SDK1: variants seen among roughly 807,000 people sequenced by gnomAD.
SDK1 encodes the protein sidekick cell adhesion molecule 1, also known as protein sidekick-1.
In SDK1, 157 loss-of-function variants were observed where a neutral mutation model predicts 245.5. The ratio of observed to expected loss-of-function variants is 0.64; its 90% confidence interval spans 0.56 to 0.73. SDK1 has a LOEUF of 0.73. Ranked by LOEUF, SDK1 falls within the 30% of genes least tolerant of loss-of-function variation. The pLI is 0.00. For synonymous variants in SDK1, 1,647 were observed against 1,278.5 expected, an observed-to-expected ratio of 1.29 and a Z score of -6.15; for missense variants, 3,583 against 3,002.3, an observed-to-expected ratio of 1.19 and a Z score of -4.52.
chr7:3,988,190 C>G (rs984448407), intron 14 of SDK1, among the ~76,000 whole-genome samples: 14 of 146,768 alleles, frequency 9.5e-5, no homozygotes, highest in African/African-American at 3.0e-4. Context: ...AATCTCTGCT[C>G]CCAGCACCCC....
chr7:3,987,981 A>C (rs980358970), intron 14 of SDK1, among the ~76,000 whole-genome samples: 10 of 152,006 alleles, frequency 6.6e-5, no homozygotes, highest in African/African-American at 2.4e-4. Context: ...CTGTGATTTT[A>C]AGTGGCATAT....
chr7:3,344,047 A>G (rs563614404), intron 1 of SDK1, among the ~76,000 whole-genome samples: 3 of 151,480 alleles, frequency 2.0e-5, no homozygotes, highest in South Asian at 4.2e-4. Flanking sequence ...CTAGAAATGC[A>G]TGTATATTTT....
chr7:3,955,066 C>G (rs1781149960), intron 7 of SDK1, among the ~76,000 whole-genome samples: 1 of 152,188 alleles, frequency 6.6e-6, no homozygotes, highest in South Asian at 2.1e-4. Flanking sequence ...TCTCCACGGT[C>G]TCCTCATCAC....
At chr7:4,167,680 C>A (rs888725046) in intron 32 of SDK1, among the ~76,000 whole-genome samples, 1 of 152,254 alleles carries the variant, frequency 6.6e-6, no homozygotes, top group Non-Finnish European at 1.5e-5. Context: ...GTGCTCTGGG[C>A]ATTTAAACAT....
intron 44 of SDK1, among the ~76,000 whole-genome samples, chr7:4,247,644 C>T (rs999524645): frequency 2.6e-5 from 4 of 152,194 alleles, no homozygotes; most frequent in African/African-American, 7.2e-5. Flanking sequence ...ATCCAGGCAC[C>T]GTGGGGGTGT....
intron 1 of SDK1, among the ~76,000 whole-genome samples, chr7:3,502,167 C>T (rs1782236680): frequency 6.6e-6 from 1 of 151,696 alleles, no homozygotes; most frequent in African/African-American, 2.4e-5. Context: ...ATTGGGGCTT[C>T]TTCAAAGAAT....
At chr7:3,707,345 T>C (rs1292084551) in intron 4 of SDK1, among the ~76,000 whole-genome samples, 1 of 152,242 alleles carries the variant, frequency 6.6e-6, no homozygotes, top group Non-Finnish European at 1.5e-5. Flanking sequence ...TTAATTTACA[T>C]GTGTTTGTAG....
At chr7:3,403,847 ATATATATATATATATATATAT>A (rs1562466087) in intron 1 of SDK1, among the ~76,000 whole-genome samples, 2 of 99,924 alleles carry the variant, frequency 2.0e-5, no homozygotes, top group African/African-American at 1.0e-4. Flanking sequence ...ATATATATAT[ATATATATATATATATATATAT>A]AATATATATA....
intron 1 of SDK1, among the ~76,000 whole-genome samples, chr7:3,459,845 A>G (rs1220573200): frequency 1.3e-5 from 2 of 152,186 alleles, no homozygotes; most frequent in Non-Finnish European, 2.9e-5. Flanking sequence ...GATTCCTTGA[A>G]TAGAAAAGGA....
At chr7:3,586,363 A>T (rs1307027043) in intron 1 of SDK1, among the ~76,000 whole-genome samples, 1 of 152,026 alleles carries the variant, frequency 6.6e-6, no homozygotes, top group Non-Finnish European at 1.5e-5. Flanking sequence ...AGGAATTCAC[A>T]GCAAATTGAG....
intron 1 of SDK1, among the ~76,000 whole-genome samples, chr7:3,328,885 G>T (rs1030946603): frequency 5.3e-5 from 8 of 152,154 alleles, no homozygotes; most frequent in African/African-American, 1.9e-4. Context: ...TGATCATGCA[G>T]TGAACAACTT....
chr7:3,518,426 A>G (rs1490336885), intron 1 of SDK1, among the ~76,000 whole-genome samples: 1 of 152,102 alleles, frequency 6.6e-6, no homozygotes, highest in Non-Finnish European at 1.5e-5. Flanking sequence ...CATATTTGCA[A>G]ACTGTTCATC....
At chr7:3,573,747 G>T (rs964664779) in intron 1 of SDK1, among the ~76,000 whole-genome samples, 1 of 152,054 alleles carries the variant, frequency 6.6e-6, no homozygotes, top group Non-Finnish European at 1.5e-5. Flanking sequence ...CGTGGTGGCT[G>T]ATGTGGCCAC....
At chr7:3,959,646 C>A (rs905506793) in intron 8 of SDK1, among the ~76,000 whole-genome samples, 5 of 152,224 alleles carry the variant, frequency 3.3e-5, no homozygotes, top group African/African-American at 1.2e-4. Context: ...TTAGCACCCA[C>A]TTATTAGTGA....
intron 1 of SDK1, among the ~76,000 whole-genome samples, chr7:3,521,026 G>C (rs1336573393): frequency 6.6e-6 from 1 of 152,114 alleles, no homozygotes; most frequent in Admixed American, 6.5e-5. Context: ...GTTCCTTTCT[G>C]GAATCTCTGA....
At chr7:3,905,292 C>A (rs1337191345) in intron 5 of SDK1, among the ~76,000 whole-genome samples, 1 of 152,020 alleles carries the variant, frequency 6.6e-6, no homozygotes, top group East Asian at 1.9e-4. Flanking sequence ...ATAAGTAATG[C>A]CGCAATGAAT....
chr7:3,875,704 G>A (rs1473254705), intron 5 of SDK1, among the ~76,000 whole-genome samples: 1 of 152,200 alleles, frequency 6.6e-6, no homozygotes, highest in Non-Finnish European at 1.5e-5. Context: ...CTAAAGGAAG[G>A]AGACAGAAAG....
At chr7:4,235,523 A>C (rs188764202) in intron 41 of SDK1, among the ~76,000 whole-genome samples, 2 of 152,246 alleles carry the variant, frequency 1.3e-5, no homozygotes, top group Non-Finnish European at 2.9e-5. Flanking sequence ...CATTTCCCTA[A>C]TTTTAATTAT....
chr7:3,409,526 G>A (rs190868401), intron 1 of SDK1, among the ~76,000 whole-genome samples: 11 of 152,108 alleles, frequency 7.2e-5, no homozygotes, highest in South Asian at 2.1e-4. Flanking sequence ...CCGTTTTTCC[G>A]CAAATGTACA....
Sources: gnomAD v4.1 joint callset for allele counts (sites outside exome capture counted in the v4.1 genomes callset) on GRCh38, gnomAD v4.1.1 for gene constraint, MANE v1.5 for transcripts, NCBI Gene and HGNC (gene_info 2026-07-23, HGNC 2026-07-21) for gene names.